Variants in RARB observed in about 807,000 individuals in gnomAD.
RARB encodes retinoic acid receptor beta, also known as HBV-activated protein.
RARB carries 17 observed loss-of-function variants against 51.9 expected under a neutral mutation model. That is an observed-to-expected ratio of 0.33 (90% CI 0.22 to 0.49). The LOEUF (loss-of-function observed/expected upper bound fraction) is 0.49. Among genes scored for constraint, RARB ranks in the 20% least tolerant of loss-of-function variants. RARB has a pLI of 0.99. For missense variants in RARB, 369 were observed against 550.8 expected, an observed-to-expected ratio of 0.67 and a Z score of 3.30; for synonymous variants, 215 against 195.4, an observed-to-expected ratio of 1.10 and a Z score of -0.84.
chr3:24,979,373 A>C (rs531153499), intron 2 of RARB, among the ~76,000 whole-genome samples: 1 of 152,224 alleles, frequency 6.6e-6, no homozygotes, highest in Non-Finnish European at 1.5e-5. Flanking sequence ...TGGGAGTCTA[A>C]GTCTCTTTAT....
At chr3:25,323,233 T>C (rs1379768769) in intron 5 of RARB, among the ~76,000 whole-genome samples, 1 of 152,164 alleles carries the variant, frequency 6.6e-6, no homozygotes, top group Non-Finnish European at 1.5e-5. Flanking sequence ...CACATTCTGC[T>C]GGTCAAAGCA....
chr3:25,513,639 G>C (rs940852773), intron 3 of RARB, among the ~76,000 whole-genome samples: 4 of 114,096 alleles, frequency 3.5e-5, no homozygotes, highest in African/African-American at 1.4e-4. Context: ...GGTCCTAACA[G>C]AGATTTACTT....
At chr3:25,522,167 C>T (rs1186602350) in intron 3 of RARB, among the ~76,000 whole-genome samples, 7 of 151,680 alleles carry the variant, frequency 4.6e-5, no homozygotes, top group African/African-American at 9.7e-5. Context: ...AGAAAAAGAC[C>T]GGTATTTGTG....
At chr3:25,279,507 A>G (rs1470295427) in intron 5 of RARB, among the ~76,000 whole-genome samples, 1 of 152,140 alleles carries the variant, frequency 6.6e-6, no homozygotes, top group Non-Finnish European at 1.5e-5. Flanking sequence ...AAAAGTTCTT[A>G]AGGGATCTTT....
intron 5 of RARB, among the ~76,000 whole-genome samples, chr3:25,236,129 G>A (rs974437775): frequency 6.6e-6 from 1 of 152,070 alleles, no homozygotes; most frequent in Admixed American, 6.6e-5. Flanking sequence ...CATTCATGAT[G>A]TAGTTATAGC....
At chr3:24,969,112 G>A (rs976581326) in intron 2 of RARB, among the ~76,000 whole-genome samples, 10 of 151,898 alleles carry the variant, frequency 6.6e-5, no homozygotes, top group African/African-American at 2.4e-4. Flanking sequence ...TGAATAAATG[G>A]TAAAGCTTCT....
intron 3 of RARB, among the ~76,000 whole-genome samples, chr3:25,081,605 ATATATATATATATATATTTTTTTTTTT>A (rs1331233375): frequency 1.7e-4 from 2 of 11,968 alleles, no homozygotes; most frequent in East Asian, 2.2e-3. Flanking sequence ...ATATATATAT[ATATATATATATATATATTTTTTTTTTT>A]TTTTTTTTTT....
intron 3 of RARB, among the ~76,000 whole-genome samples, chr3:25,124,587 TC>T (rs1226105964): frequency 2.0e-5 from 3 of 152,202 alleles, no homozygotes; most frequent in Non-Finnish European, 4.4e-5. Flanking sequence ...AGAATTCTTT[TC>T]CCCTTGGAAA....
chr3:24,991,191 A>G (rs1363986365), intron 2 of RARB, among the ~76,000 whole-genome samples: 2 of 152,232 alleles, frequency 1.3e-5, no homozygotes, highest in African/African-American at 2.4e-5. Flanking sequence ...CTGTAATCTC[A>G]GCACTTTGGG....
At chr3:25,214,401 G>A (rs1701770233) in intron 5 of RARB, among the ~76,000 whole-genome samples, 1 of 152,188 alleles carries the variant, frequency 6.6e-6, no homozygotes, top group African/African-American at 2.4e-5. Flanking sequence ...CTTATAATAA[G>A]TATTTCAGCC....
At chr3:25,167,391 C>A (rs777978116) in intron 4 of RARB, among the ~76,000 whole-genome samples, 4 of 152,134 alleles carry the variant, frequency 2.6e-5, no homozygotes, top group Non-Finnish European at 5.9e-5. Context: ...ATGGCACCAA[C>A]TTTTTTGGAA....
chr3:25,058,922 A>G (rs1170391077), intron 2 of RARB, among the ~76,000 whole-genome samples: 2 of 151,822 alleles, frequency 1.3e-5, no homozygotes, highest in African/African-American at 4.8e-5. Flanking sequence ...TATGCAATCA[A>G]TGTAGAAAAC....
intron 2 of RARB, among the ~76,000 whole-genome samples, chr3:24,967,233 A>G (rs1348317795): frequency 1.3e-5 from 2 of 151,820 alleles, no homozygotes; most frequent in Non-Finnish European, 2.9e-5. Context: ...AGTTGGTATC[A>G]CTCCCATTTG....
At chr3:25,575,638 A>G (rs1700895979) in intron 4 of RARB, among the ~76,000 whole-genome samples, 1 of 152,136 alleles carries the variant, frequency 6.6e-6, no homozygotes, top group African/African-American at 2.4e-5. Flanking sequence ...GTTTCTTCAC[A>G]TCGTCTTCTC....
intron 2 of RARB, among the ~76,000 whole-genome samples, chr3:25,054,458 A>T (rs904412429): frequency 4.6e-5 from 7 of 152,116 alleles, no homozygotes; most frequent in Admixed American, 1.3e-4. Context: ...TCCGCAGGAG[A>T]GCTGTGGAGA....
chr3:25,126,571 A>G (rs1699864100), intron 3 of RARB, among the ~76,000 whole-genome samples: 1 of 152,166 alleles, frequency 6.6e-6, no homozygotes, highest in African/African-American at 2.4e-5. Flanking sequence ...TCATGTGCAC[A>G]TGAACAAAGC....
intron 3 of RARB, among the ~76,000 whole-genome samples, chr3:25,527,807 T>C (rs749520050): frequency 4.6e-5 from 7 of 152,202 alleles, no homozygotes; most frequent in Non-Finnish European, 1.0e-4. Context: ...TCTTTGCTTC[T>C]ATGGATTTAA....
chr3:24,934,315 G>C (rs1695504222), intron 2 of RARB, among the ~76,000 whole-genome samples: 1 of 152,096 alleles, frequency 6.6e-6, no homozygotes, highest in South Asian at 2.1e-4. Flanking sequence ...AAGAGTTACC[G>C]GCACATCTCA....
At position 25,070,943 on chromosome 3, in the gene RARB, G is replaced by C. The variant is rs76614475; in HGVS notation, c.-328+10767G>C. Among the ~76,000 whole-genome samples the C allele has an allele frequency of 9.7e-3, 1,477 of 152,286 alleles. 9 individuals carry two copies. The highest frequency in any genetic ancestry group is 0.016 in the Non-Finnish European group (1,076 of 68,024). ...GGTATTAGCCTTTAAAGCGTAGCCA[G>C]AGTGAATTCTTCACAAGCTCTTGCC... On this transcript the variant is annotated intron_variant, in intron 3 of 11. Transcript: ENST00000383772.
Sources: gnomAD v4.1 joint callset for allele counts (sites outside exome capture counted in the v4.1 genomes callset) on GRCh38, gnomAD v4.1.1 for gene constraint, MANE v1.5 for transcripts, NCBI Gene and HGNC (gene_info 2026-07-23, HGNC 2026-07-21) for gene names.